Variants in ENPP3 observed in about 807,000 individuals in gnomAD.
ENPP3 encodes ectonucleotide pyrophosphatase/phosphodiesterase 3.
ENPP3 carries 104 observed loss-of-function variants against 117.8 expected under a neutral mutation model. The observed-to-expected ratio is 0.88, with a 90% confidence interval of 0.75 to 1.04. The LOEUF (loss-of-function observed/expected upper bound fraction) is 1.04. Ranked by LOEUF, ENPP3 falls within the 50% of genes least tolerant of loss-of-function variation. The pLI is 0.00. For synonymous variants in ENPP3, 380 were observed against 349.9 expected (o/e 1.09, Z -0.96); for missense variants, 1,026 against 1,051.9 (o/e 0.98, Z 0.34).
At chr6:131,656,232 G>A (rs193256044) in intron 5 of ENPP3, among the ~76,000 whole-genome samples, 40 of 152,128 alleles carry the variant, frequency 2.6e-4, no homozygotes, top group African/African-American at 9.2e-4. Context: ...TTCTTGGCAT[G>A]TAGTGAGCTC....
chr6:131,668,332 C>CA (rs371810010), intron 6 of ENPP3, among the ~76,000 whole-genome samples: 7 of 147,608 alleles, frequency 4.7e-5, no homozygotes, highest in African/African-American at 1.7e-4. Context: ...CCTGTCTCGC[C>CA]CCCCCCTGAG....
chr6:131,681,883 A>G (rs1562448634), intron 11 of ENPP3, among the ~76,000 whole-genome samples: 1 of 152,138 alleles, frequency 6.6e-6, no homozygotes, highest in Non-Finnish European at 1.5e-5. Flanking sequence ...TCTTTCACCC[A>G]GACTGGAGTG....
intron 15 of ENPP3, among the ~76,000 whole-genome samples, chr6:131,715,830 T>C (rs1779877229): frequency 6.6e-6 from 1 of 152,048 alleles, no homozygotes; most frequent in Non-Finnish European, 1.5e-5. Flanking sequence ...GACCTGTAGA[T>C]GGGCTTGCCA....
chr6:131,692,241 G>T (rs1779296627), intron 14 of ENPP3, among the ~76,000 whole-genome samples: 1 of 152,006 alleles, frequency 6.6e-6, no homozygotes, highest in South Asian at 2.1e-4. Context: ...ATGAGGGAAA[G>T]TTCCTTTGTA....
At position 131,643,437 on chromosome 6, in the gene ENPP3, G is replaced by A. The variant is rs76930489; in HGVS notation, c.154+1907G>A. ...CCCGGAGTCATTTTTCCTTGTCCTC[G>A]TCCTTTCATCTGAGTTGATCAGCCC... is the stretch of plus-strand genomic sequence containing the variant. On this transcript the variant is annotated intron_variant, in intron 2 of 24. Coordinates refer to ENST00000357639, the MANE Select transcript of ENPP3 (RefSeq NM_005021.5). Among the ~76,000 whole-genome samples the A allele has an allele frequency of 7.9e-5, 12 of 152,014 alleles. No individual in the cohort carries two copies. In the East Asian group the frequency reaches 1.4e-3, roughly 17 times the overall value.
At chr6:131,727,555 CA>C (rs773470669) in intron 20 of ENPP3, among the ~76,000 whole-genome samples, 8,214 of 52,352 alleles carry the variant, frequency 0.16, 176 homozygotes, top group East Asian at 0.36. Context: ...AAGTCCATCT[CA>C]AAAAAAAAAA....
At chr6:131,645,606 A>T (rs1400469201) in intron 2 of ENPP3, among the ~76,000 whole-genome samples, 1 of 152,180 alleles carries the variant, frequency 6.6e-6, no homozygotes, top group Admixed American at 6.5e-5. Flanking sequence ...CATGAGAGAG[A>T]TAACTTGAAT....
chr6:131,651,169 C>T (rs1258987233), intron 3 of ENPP3, among the ~76,000 whole-genome samples: 5 of 151,982 alleles, frequency 3.3e-5, no homozygotes, highest in Non-Finnish European at 5.9e-5. Flanking sequence ...ATCCCACTAC[C>T]TCGGCATCCC....
intron 23 of ENPP3, among the ~76,000 whole-genome samples, chr6:131,739,593 CTTTTTTTT>C (rs71270397): frequency 9.1e-5 from 8 of 87,462 alleles, no homozygotes; most frequent in East Asian, 7.9e-4. Flanking sequence ...TCATGCTCTG[CTTTTTTTT>C]TTTTTTTTTT....
chr6:131,746,930 T>C lies in ENPP3; in HGVS notation c.2602T>C (p.Leu868=), dbSNP rs1780649385. The change falls in exon 25 of 25, where the codon TTA becomes CTA. Residue 868 remains leucine, a synonymous_variant. Transcript: ENST00000357639. The part of the protein sequence containing the change: ...VSEILQLKTY[L]PTFETTI Reference sequence around the variant, plus strand: ...TGAAATTTTGCAACTAAAGACATATTTACCAACATTTGAAACCACTATTTA... The same window carrying C: ...TGAAATTTTGCAACTAAAGACATATCTACCAACATTTGAAACCACTATTTA... 6.2e-7 allele frequency: 1 copy of C among 1,606,074 alleles called. No homozygotes were observed. Among genetic ancestry groups the C allele is most frequent in the African/African-American group, 1.3e-5 (1 of 74,708 alleles).
At chr6:131,709,789 A>G in intron 15 of ENPP3, 1 of 1,613,360 alleles carries the variant, frequency 6.2e-7, no homozygotes, top group Non-Finnish European at 8.5e-7. Flanking sequence ...TTCTTCCTCT[A>G]TTCGGTAATT....
At chr6:131,720,007 T>A (rs891195204) in intron 16 of ENPP3, among the ~76,000 whole-genome samples, 8 of 152,234 alleles carry the variant, frequency 5.3e-5, no homozygotes, top group Non-Finnish European at 1.2e-4. Flanking sequence ...ATGCTGATAT[T>A]GGTTGTGTGC....
intron 2 of ENPP3, among the ~76,000 whole-genome samples, chr6:131,648,017 C>T (rs1187910214): frequency 1.3e-5 from 2 of 152,034 alleles, no homozygotes; most frequent in Admixed American, 1.3e-4. Context: ...CCTTAAAATT[C>T]ACATTTTACA....
At chr6:131,712,349 A>G (rs528382043) in intron 15 of ENPP3, among the ~76,000 whole-genome samples, 3,130 of 147,130 alleles carry the variant, frequency 0.021, 128 homozygotes, top group African/African-American at 0.078. Context: ...TTACTTGCAG[A>G]TCATCTTGCT....
chr6:131,695,276 T>A (rs1419712164), intron 15 of ENPP3, among the ~76,000 whole-genome samples: 1 of 152,094 alleles, frequency 6.6e-6, no homozygotes, highest in Non-Finnish European at 1.5e-5. Context: ...ACCAAACAAG[T>A]TAGGTCACTG....
chr6:131,735,934 T>C (rs1286582463), intron 21 of ENPP3, among the ~76,000 whole-genome samples: 1 of 152,202 alleles, frequency 6.6e-6, no homozygotes, highest in Non-Finnish European at 1.5e-5. Context: ...TACTATACTA[T>C]ATACTTAAAA....
rs1347686905 is a variant in ENPP3, at chr6:131,738,015, A to C, written c.2168-16A>C. The C allele has an allele frequency of 5.7e-6, 9 of 1,568,320 alleles. No individual in the cohort carries two copies. The Admixed American group carries it at 1.6e-4, about 29-fold the overall frequency. On this transcript the variant is annotated splice_polypyrimidine_tract_variant and intron_variant, in intron 22 of 24. Coordinates refer to ENST00000357639, the MANE Select transcript of ENPP3 (RefSeq NM_005021.5). Reference sequence around the variant, plus strand: ...CTGAAGTGGACATTTTAAACACTTTATGATTTTATTTTTAGAAATGTGGGA... The same window carrying C: ...CTGAAGTGGACATTTTAAACACTTTCTGATTTTATTTTTAGAAATGTGGGA...
intron 15 of ENPP3, chr6:131,709,049 T>G: frequency 6.5e-7 from 1 of 1,537,542 alleles, no homozygotes; most frequent in South Asian, 1.1e-5. Flanking sequence ...TCTGAAGGCA[T>G]TGACCTATCC....
At chr6:131,649,205 A>T (rs918957892) in intron 2 of ENPP3, among the ~76,000 whole-genome samples, 1 of 152,004 alleles carries the variant, frequency 6.6e-6, no homozygotes, top group East Asian at 1.9e-4. Flanking sequence ...TTAGTTCAGG[A>T]GTTTCCATCC....
Sources: gnomAD v4.1 joint callset for allele counts (sites outside exome capture counted in the v4.1 genomes callset) on GRCh38, gnomAD v4.1.1 for gene constraint, MANE v1.5 for transcripts, NCBI Gene and HGNC (gene_info 2026-07-23, HGNC 2026-07-21) for gene names.